Variants in TENM3 observed in about 807,000 individuals in gnomAD.
TENM3 encodes the protein teneurin transmembrane protein 3.
In TENM3, 63 loss-of-function variants were observed where a neutral mutation model predicts 255.1. The ratio of observed to expected loss-of-function variants is 0.25; its 90% CI spans 0.20 to 0.30. TENM3 has a LOEUF of 0.30. Among genes scored for constraint, TENM3 ranks in the 10% least tolerant of loss-of-function variants. The pLI is 1.00. For missense variants in TENM3, 2,929 were observed against 3,461.1 expected, an observed-to-expected ratio of 0.85 and a Z score of 3.86; for synonymous variants, 1,306 against 1,322.3, an observed-to-expected ratio of 0.99 and a Z score of 0.27.
chr4:181,615,828 A>G, the TENM3 span, among the ~76,000 whole-genome samples: 1 of 152,230 alleles, frequency 6.6e-6, no homozygotes, highest in African/African-American at 2.4e-5. Flanking sequence ...CCTGTAGGGA[A>G]GATATTTTAC....
intron 3 of TENM3, among the ~76,000 whole-genome samples, chr4:182,428,210 G>A (rs571664077): frequency 1.3e-5 from 2 of 152,224 alleles, no homozygotes; most frequent in East Asian, 3.9e-4. Flanking sequence ...AGGAACTCCG[G>A]TTACTTAAGT....
In TENM3 at chr4:182,161,212, C is replaced by T. The variant is rs1157136878; in HGVS notation, c.-76+16458C>T. Among the ~76,000 whole-genome samples, 14 of 139,896 alleles carry T rather than the reference C, an allele frequency of 1.0e-4. 3 individuals carry two copies. The highest frequency in any genetic ancestry group is 3.5e-4 in the African/African-American group (13 of 37,580). 91.8% of individuals were successfully genotyped at this position (139,896 alleles called of 152,430 possible). ...CGGGCGGATCACGAGGTCAGGAGAT[C>T]GAGACCATCCTGGCTAACACGGTGA... is the stretch of plus-strand genomic sequence containing the variant. On this transcript the variant is annotated intron_variant, in intron 1 of 2. Coordinates refer to the TENM3 transcript ENST00000512480.
the TENM3 span, among the ~76,000 whole-genome samples, chr4:181,757,816 C>G: frequency 6.6e-6 from 1 of 152,132 alleles, no homozygotes; most frequent in Admixed American, 6.6e-5. Flanking sequence ...CACAATCATT[C>G]CACTTTTACT....
the TENM3 span, among the ~76,000 whole-genome samples, chr4:181,761,621 T>C: frequency 6.6e-6 from 1 of 152,158 alleles, no homozygotes; most frequent in South Asian, 2.1e-4. Flanking sequence ...TAAAAACTAG[T>C]GATTTTATTA....
chr4:182,101,575 TA>T, the TENM3 span, among the ~76,000 whole-genome samples: 1 of 152,036 alleles, frequency 6.6e-6, no homozygotes, highest in East Asian at 1.9e-4. Flanking sequence ...GTTGAACTCA[TA>T]GAAGTAGTGA....
the TENM3 span, among the ~76,000 whole-genome samples, chr4:182,050,487 A>G: frequency 5.9e-5 from 9 of 152,314 alleles, no homozygotes; most frequent in Middle Eastern, 3.4e-3. Context: ...GAGGAAAGAG[A>G]CTAGTGCAGA....
chr4:181,642,472 T>G, the TENM3 span, among the ~76,000 whole-genome samples: 3 of 152,218 alleles, frequency 2.0e-5, no homozygotes, highest in African/African-American at 4.8e-5. Context: ...CTCTTTAGTT[T>G]AGGTAGATCC....
the TENM3 span, among the ~76,000 whole-genome samples, chr4:182,077,791 A>T: frequency 6.6e-6 from 1 of 152,188 alleles, no homozygotes; most frequent in Admixed American, 6.5e-5. Flanking sequence ...GGGGTTGAAT[A>T]ACATTTCTGA....
At chr4:181,450,908 C>T in the TENM3 span, among the ~76,000 whole-genome samples, 51 of 152,198 alleles carry the variant, frequency 3.4e-4, no homozygotes, top group African/African-American at 1.2e-3. Context: ...AATTTTAGTC[C>T]TCAGTTAATG....
the TENM3 span, among the ~76,000 whole-genome samples, chr4:181,978,040 A>G: frequency 3.9e-5 from 6 of 152,238 alleles, no homozygotes; most frequent in Non-Finnish European, 8.8e-5. Flanking sequence ...AGAGAATAAA[A>G]TAGTTTTAAC....
At chr4:181,521,472 G>T in the TENM3 span, among the ~76,000 whole-genome samples, 1 of 152,234 alleles carries the variant, frequency 6.6e-6, no homozygotes, top group Non-Finnish European at 1.5e-5. Context: ...TTGATGAGAT[G>T]TGTAATGAAT....
At chr4:182,753,176 G>C (rs1762497214) in intron 20 of TENM3, among the ~76,000 whole-genome samples, 2 of 152,212 alleles carry the variant, frequency 1.3e-5, no homozygotes, top group Admixed American at 6.5e-5. Flanking sequence ...TCGAACTCCT[G>C]AGCTCAGGCA....
the TENM3 span, among the ~76,000 whole-genome samples, chr4:181,923,524 C>T: frequency 6.6e-6 from 1 of 152,130 alleles, no homozygotes; most frequent in Non-Finnish European, 1.5e-5. Flanking sequence ...TTCAAATGCT[C>T]TGCATTTTCT....
the TENM3 span, among the ~76,000 whole-genome samples, chr4:181,825,742 A>AT: frequency 6.6e-6 from 1 of 152,184 alleles, no homozygotes; most frequent in African/African-American, 2.4e-5. Context: ...AAATATTCCT[A>AT]TTTTTTACAT....
the TENM3 span, among the ~76,000 whole-genome samples, chr4:181,929,906 A>T: frequency 7.2e-5 from 11 of 152,368 alleles, no homozygotes; most frequent in African/African-American, 2.6e-4. Flanking sequence ...TGGAAACTGA[A>T]CAATCTGCTC....
chr4:181,903,295 A>T, the TENM3 span, among the ~76,000 whole-genome samples: 1 of 152,222 alleles, frequency 6.6e-6, no homozygotes, highest in South Asian at 2.1e-4. Flanking sequence ...AATTTGGAGA[A>T]AAAAACAACC....
chr4:181,483,586 C>T, the TENM3 span, among the ~76,000 whole-genome samples: 4 of 152,204 alleles, frequency 2.6e-5, no homozygotes, highest in East Asian at 1.9e-4. Flanking sequence ...GTAAGCTCAT[C>T]GCTTTTCTAA....
the TENM3 span, among the ~76,000 whole-genome samples, chr4:181,744,022 T>C: frequency 3.9e-5 from 6 of 152,132 alleles, no homozygotes; most frequent in Admixed American, 1.3e-4. Flanking sequence ...CCCTGCCATG[T>C]GTCCATGTGT....
At chr4:182,632,914 A>G (rs1354045778) in intron 5 of TENM3, among the ~76,000 whole-genome samples, 1 of 151,894 alleles carries the variant, frequency 6.6e-6, no homozygotes, top group Non-Finnish European at 1.5e-5. Context: ...TCTAAGTATT[A>G]GTTTTTATTT....
Sources: allele counts gnomAD v4.1 joint callset (sites outside exome capture counted in the v4.1 genomes callset), GRCh38; gene constraint gnomAD v4.1.1; transcripts MANE v1.5; gene names NCBI Gene and HGNC (gene_info 2026-07-23, HGNC 2026-07-21).